DPYD: variants seen among roughly 807,000 people sequenced by gnomAD.
DPYD encodes dihydropyrimidine dehydrogenase [NADP(+)].
In DPYD, 109 loss-of-function variants were observed where a neutral mutation model predicts 116.2. The ratio of observed to expected loss-of-function variants is 0.94; its 90% CI spans 0.80 to 1.10. The LOEUF is 1.10. DPYD is among the 50% of genes least tolerant of loss of function. The pLI is 0.00. For synonymous variants in DPYD, 440 were observed against 432.0 expected (o/e 1.02, Z -0.23); for missense variants, 1,302 against 1,254.5 (o/e 1.04, Z -0.57).
chr1:97,400,574 G>T (rs1031458043), intron 14 of DPYD, among the ~76,000 whole-genome samples: 8 of 152,076 alleles, frequency 5.3e-5, no homozygotes, highest in South Asian at 2.1e-4. Context: ...GAATCCGTCT[G>T]GTCCTGGACT....
chr1:97,329,169 T>A lies in DPYD; in HGVS notation c.2059-22872A>T, dbSNP rs116175032. Among the ~76,000 whole-genome samples the A allele has an allele frequency of 7.4e-3, 1,121 of 152,258 alleles. 12 individuals are homozygous for A. The highest frequency in any genetic ancestry group is 0.026 in the African/African-American group (1,076 of 41,556). On this transcript the variant is annotated intron_variant, in intron 16 of 22. Coordinates refer to ENST00000370192, the MANE Select transcript of DPYD (RefSeq NM_000110.4). ...CTGAATTTTGTTAAGATTTCATGAA[T>A]AGAAATGAGCATTACAAAAAGATAT...
At chr1:97,707,580 G>A (rs1401808447) in intron 5 of DPYD, among the ~76,000 whole-genome samples, 1 of 151,732 alleles carries the variant, frequency 6.6e-6, no homozygotes, top group East Asian at 2.0e-4. Context: ...TACTGAGAAT[G>A]ATGATTTCCA....
intron 7 of DPYD, among the ~76,000 whole-genome samples, chr1:97,683,231 T>G (rs1426771677): frequency 2.0e-5 from 3 of 151,982 alleles, no homozygotes; most frequent in Non-Finnish European, 4.4e-5. Flanking sequence ...TTAGCTATCT[T>G]TAGAAATGAA....
intron 18 of DPYD, among the ~76,000 whole-genome samples, chr1:97,257,452 T>TATAGAGAGAGAG (rs375490078): frequency 4.3e-4 from 55 of 126,474 alleles, no homozygotes; most frequent in African/African-American, 1.6e-3. Context: ...TATATATATA[T>TATAGAGAGAGAG]AGAGAGAGAG....
Position 97,373,645 on chromosome 1 carries a change from C to A in DPYD, c.1975-1G>T. The A allele has an allele frequency of 6.2e-7, 1 of 1,613,494 alleles. No homozygotes were observed. The highest frequency in any genetic ancestry group is 1.3e-5 in the African/African-American group (1 of 75,042). On this transcript the variant is annotated splice_acceptor_variant, in intron 15 of 22. Transcript: ENST00000370192. LOFTEE classifies it high-confidence loss of function. ...ACTCCAGGGCATCTGCTCCAGAATCCTTTAAACAAGAAAGGAAAATGAAAG... is the reference window on the plus strand; with the variant it reads ...ACTCCAGGGCATCTGCTCCAGAATCATTTAAACAAGAAAGGAAAATGAAAG...
chr1:97,912,092 G>C (rs1673967494), intron 1 of DPYD, among the ~76,000 whole-genome samples: 1 of 152,062 alleles, frequency 6.6e-6, no homozygotes, highest in Non-Finnish European at 1.5e-5. Flanking sequence ...GGTTAAACTG[G>C]TTCCATTTCC....
chr1:97,760,980 G>C (rs1571315045), intron 3 of DPYD, among the ~76,000 whole-genome samples: 1 of 152,094 alleles, frequency 6.6e-6, no homozygotes, highest in Non-Finnish European at 1.5e-5. Flanking sequence ...GTATGCCAAA[G>C]AGAAAGGAGG....
At chr1:97,509,529 C>T (rs564702848) in intron 13 of DPYD, among the ~76,000 whole-genome samples, 21 of 151,758 alleles carry the variant, frequency 1.4e-4, no homozygotes, top group Non-Finnish European at 2.4e-4. Flanking sequence ...GAACACTGAA[C>T]GTGTTCAGTT....
intron 12 of DPYD, among the ~76,000 whole-genome samples, chr1:97,521,264 C>A (rs1648639480): frequency 6.6e-6 from 1 of 151,938 alleles, no homozygotes; most frequent in South Asian, 2.1e-4. Flanking sequence ...GTTGGCTGCA[C>A]AAATGTCTTC....
chr1:97,239,367 T>C (rs1285972108), intron 18 of DPYD, among the ~76,000 whole-genome samples: 1 of 152,174 alleles, frequency 6.6e-6, no homozygotes, highest in East Asian at 1.9e-4. Flanking sequence ...TAATATTATA[T>C]ATTGATATAT....
intron 1 of DPYD, among the ~76,000 whole-genome samples, chr1:97,916,365 T>C (rs1436721605): frequency 1.3e-5 from 2 of 152,104 alleles, no homozygotes; most frequent in African/African-American, 2.4e-5. Flanking sequence ...GTGTGTGATG[T>C]TCCCCTTCCT....
chr1:97,182,341 C>T (rs563522875), intron 20 of DPYD, among the ~76,000 whole-genome samples: 22 of 152,236 alleles, frequency 1.4e-4, no homozygotes, highest in African/African-American at 4.8e-4. Context: ...GTCTTCATAA[C>T]ATTTATGCAG....
chr1:97,809,184 AAC>A (rs1668230720), intron 3 of DPYD, among the ~76,000 whole-genome samples: 1 of 152,216 alleles, frequency 6.6e-6, no homozygotes, highest in Non-Finnish European at 1.5e-5. Context: ...CTGTGTGAAG[AAC>A]AGTCTTTATG....
intron 13 of DPYD, among the ~76,000 whole-genome samples, chr1:97,465,825 G>A (rs529925898): frequency 2.2e-4 from 34 of 152,158 alleles, no homozygotes; most frequent in African/African-American, 2.9e-4. Context: ...GGCACAAGTC[G>A]TCAAGCCCTA....
intron 3 of DPYD, among the ~76,000 whole-genome samples, chr1:97,759,555 G>A (rs1032133283): frequency 6.6e-6 from 1 of 152,072 alleles, no homozygotes; most frequent in Admixed American, 6.6e-5. Context: ...ATTTCTCTTA[G>A]AAGACAAGCA....
intron 2 of DPYD, among the ~76,000 whole-genome samples, chr1:97,865,956 G>T (rs181699513): frequency 3.9e-5 from 6 of 151,972 alleles, no homozygotes; most frequent in African/African-American, 1.2e-4. Flanking sequence ...GTGAAACAAA[G>T]AAGACTAAGA....
intron 1 of DPYD, among the ~76,000 whole-genome samples, chr1:97,899,846 C>T (rs903613570): frequency 6.6e-6 from 1 of 151,936 alleles, no homozygotes; most frequent in Non-Finnish European, 1.5e-5. Context: ...AAATCAGCTG[C>T]ATCAGAATAT....
chr1:97,413,842 A>C (rs545168717), intron 14 of DPYD, among the ~76,000 whole-genome samples: 1 of 151,984 alleles, frequency 6.6e-6, no homozygotes, highest in Non-Finnish European at 1.5e-5. Flanking sequence ...TTTTTTTTTC[A>C]ACATATTTTC....
chr1:97,203,082 C>T (rs967148010), intron 19 of DPYD, among the ~76,000 whole-genome samples: 1 of 152,108 alleles, frequency 6.6e-6, no homozygotes, highest in Non-Finnish European at 1.5e-5. Context: ...GAAGCTTGGC[C>T]ACTGCTCTTC....
Sources: gnomAD v4.1 joint callset for allele counts (sites outside exome capture counted in the v4.1 genomes callset) on GRCh38, gnomAD v4.1.1 for gene constraint, MANE v1.5 for transcripts, NCBI Gene and HGNC (gene_info 2026-07-23, HGNC 2026-07-21) for gene names.